PCNX2: variants seen among roughly 807,000 people sequenced by gnomAD.
PCNX2 encodes pecanex-like protein 2.
PCNX2 carries 168 observed loss-of-function variants against 223.8 expected under a neutral mutation model. That is an observed-to-expected ratio of 0.75 (90% CI 0.66 to 0.85). PCNX2 has a LOEUF of 0.85. Ranked by LOEUF, PCNX2 falls within the 40% of genes least tolerant of loss-of-function variation. The pLI is 0.00. For synonymous variants in PCNX2, 1,006 were observed against 1,052.6 expected (o/e 0.96, Z 0.86); for missense variants, 2,507 against 2,675.5 (o/e 0.94, Z 1.39).
In PCNX2 at chr1:233,022,025, A is replaced by AGG. The variant is rs568611392; in HGVS notation, c.4605+3119_4605+3120dup. On this transcript the variant is annotated intron_variant, in intron 26 of 33. Transcript: ENST00000258229. The stretch of plus-strand genomic sequence containing the variant: ...TAGGCCAGGGAGGATGGACCCAGAC[A>AGG]GGGCATCTCACTCTCATCCCTCCTC... Among the ~76,000 whole-genome samples the AGG allele has an allele frequency of 1.8e-3, 280 of 152,292 alleles. 1 individual carries two copies. Among genetic ancestry groups the AGG allele is most frequent in the Non-Finnish European group, 1.3e-3 (86 of 68,022 alleles).
chr1:233,104,689 C>T (rs1243083062), intron 21 of PCNX2, among the ~76,000 whole-genome samples: 2 of 151,988 alleles, frequency 1.3e-5, no homozygotes, highest in Non-Finnish European at 2.9e-5. Context: ...ATATTAGAAC[C>T]TTACACCAAC....
At chr1:233,044,674 T>A in intron 25 of PCNX2, among the ~76,000 whole-genome samples, 1 of 145,494 alleles carries the variant, frequency 6.9e-6, no homozygotes, top group South Asian at 2.2e-4. Flanking sequence ...GTATTCTTTC[T>A]TTTTTTTTTT....
intron 9 of PCNX2, among the ~76,000 whole-genome samples, chr1:233,229,357 T>A (rs1454600492): frequency 6.6e-6 from 1 of 152,202 alleles, no homozygotes; most frequent in Non-Finnish European, 1.5e-5. Context: ...GTGCTACTTG[T>A]GCCTGGAATT....
intron 9 of PCNX2, among the ~76,000 whole-genome samples, chr1:233,235,958 ATATAT>A (rs1445678748): frequency 8.3e-4 from 16 of 19,378 alleles, no homozygotes; most frequent in East Asian, 4.2e-3. Flanking sequence ...ATAAAAAAAA[ATATAT>A]ATATATATAT....
Position 233,162,029 on chromosome 1 carries a change from T to C in PCNX2, c.3274-666A>G, listed in dbSNP as rs557504712. ...GTATGTTTATATTTATATATATACA[T>C]AGATATATGCAAGAGGTACACACAT... On this transcript the variant is annotated intron_variant, in intron 17 of 33. Coordinates refer to ENST00000258229, the MANE Select transcript of PCNX2 (RefSeq NM_014801.4). 5.5e-4 allele frequency among the ~76,000 whole-genome samples: 82 copies of C among 150,244 alleles called. 1 individual carries two copies. In the South Asian group the frequency reaches 0.013, roughly 24 times the overall value.
intron 32 of PCNX2, among the ~76,000 whole-genome samples, chr1:232,988,814 T>C (rs1427136666): frequency 6.6e-6 from 1 of 152,180 alleles, no homozygotes; most frequent in Non-Finnish European, 1.5e-5. Flanking sequence ...AGCTGTGACA[T>C]ATGCTTTTTA....
At chr1:233,281,655 T>C (rs1661198418) in intron 1 of PCNX2, among the ~76,000 whole-genome samples, 1 of 152,224 alleles carries the variant, frequency 6.6e-6, no homozygotes, top group South Asian at 2.1e-4. Context: ...ATAAAGGTTA[T>C]CTTGAAAGCA....
At chr1:233,207,902 G>A (rs542653023) in intron 13 of PCNX2, among the ~76,000 whole-genome samples, 1 of 152,122 alleles carries the variant, frequency 6.6e-6, no homozygotes, top group East Asian at 1.9e-4. Flanking sequence ...CTGCTACCCT[G>A]ATGGCAAAAC....
chr1:233,171,117 G>C (rs1304027663), intron 17 of PCNX2, among the ~76,000 whole-genome samples: 1 of 151,102 alleles, frequency 6.6e-6, no homozygotes, highest in Admixed American at 6.6e-5. Flanking sequence ...TTCTCCTCTC[G>C]TCTAAACTTG....
At chr1:233,119,403 C>CAAAAAAAAAAAAAAAAAAA (rs71173251) in intron 21 of PCNX2, among the ~76,000 whole-genome samples, 1 of 38,628 alleles carries the variant, frequency 2.6e-5, no homozygotes, top group Non-Finnish European at 4.3e-5. Context: ...ACTAAAAATA[C>CAAAAAAAAAAAAAAAAAAA]AAAAAAAAAA....
the PCNX2 span, among the ~76,000 whole-genome samples, chr1:233,321,071 T>G: frequency 7.3e-6 from 1 of 136,914 alleles, no homozygotes. Context: ...CCAGGCTGGA[T>G]GCAGTGGTGC....
intron 23 of PCNX2, among the ~76,000 whole-genome samples, chr1:233,075,954 G>A (rs1306009736): frequency 6.6e-6 from 1 of 152,054 alleles, no homozygotes; most frequent in Non-Finnish European, 1.5e-5. Flanking sequence ...ATATTTAGGG[G>A]GTGAAAAGTG....
At chr1:233,276,814 C>T (rs1660938452) in intron 1 of PCNX2, among the ~76,000 whole-genome samples, 1 of 152,230 alleles carries the variant, frequency 6.6e-6, no homozygotes, top group Non-Finnish European at 1.5e-5. Flanking sequence ...AGTACTGTTC[C>T]ATATTCTGTG....
At chr1:233,300,399 TG>T, upstream of PCNX2, among the ~76,000 whole-genome samples, 1 of 152,334 alleles carries the variant, frequency 6.6e-6, no homozygotes, top group Middle Eastern at 3.4e-3. Flanking sequence ...TGAAATGATA[TG>T]GGAACTAGAA....
rs375805795 is a variant in PCNX2 at position 233,262,733 on chromosome 1, GAGA to G, written c.359+222_359+224del. Among the ~76,000 whole-genome samples the G allele has an allele frequency of 4.5e-3, 683 of 152,282 alleles. 4 individuals are homozygous for G. The highest frequency in any genetic ancestry group is 0.015 in the African/African-American group (643 of 41,546). ...AAGGCAAATGAATTCTAGATCTTAT[GAGA>G]AGGTCATATTGACTTCCCAAAAAGA... On this transcript the variant is annotated intron_variant, in intron 2 of 33. Coordinates refer to ENST00000258229, the MANE Select transcript of PCNX2 (RefSeq NM_014801.4).
chr1:233,132,375 C>T lies in PCNX2; in HGVS notation c.3837+2638G>A, dbSNP rs550147184. On this transcript the variant is annotated intron_variant, in intron 21 of 33. Transcript: ENST00000258229. ...CCATGCTTACTCCCTTTCTTTGTCC[C>T]TTGAAAGCCCCTTTGGTGAGATGCC... 1.5e-3 allele frequency among the ~76,000 whole-genome samples: 227 copies of T among 152,274 alleles called. 2 individuals carry two copies. The highest frequency in any genetic ancestry group is 5.4e-3 in the African/African-American group (223 of 41,556).
chr1:232,999,292 T>C lies in PCNX2; in HGVS notation c.5416A>G (p.Ile1806Val). 6.2e-7 allele frequency: 1 copy of C among 1,611,674 alleles called. No individual in the cohort carries two copies. The highest frequency in any genetic ancestry group is 1.1e-5 in the South Asian group (1 of 90,548). Residue 1806 changes from isoleucine to valine, a missense_variant, in exon 31 of 34, where the codon ATC becomes GTC. Physicochemically the swap from Ile to Val is conservative, Grantham distance 29. This residue lies in a region of PCNX2 where 1,372 missense variants were observed against 1,509.4 expected (regional missense o/e 0.91). Coordinates refer to ENST00000258229, the MANE Select transcript of PCNX2 (RefSeq NM_014801.4). The stretch of plus-strand genomic sequence containing the variant: ...CGCAGGACCTGCTTATTGTTCTGGA[T>C]ACTGCCGCGCTCCGGATTGCGGTTG... ...LRNRNPERGS[I>V]QNNKQVLRNL...
chr1:233,094,642 T>C (rs1278596821), intron 22 of PCNX2, among the ~76,000 whole-genome samples: 2 of 152,222 alleles, frequency 1.3e-5, no homozygotes, highest in African/African-American at 4.8e-5. Context: ...TTATCCTAAG[T>C]ATGTTTCCAT....
Position 233,139,793 on chromosome 1 carries a change from T to C in PCNX2, c.3580A>G (p.Ile1194Val), listed in dbSNP as rs1220660810. The C allele has an allele frequency of 1.2e-6, 2 of 1,613,348 alleles. No homozygotes were observed. The highest frequency in any genetic ancestry group is 1.3e-5 in the African/African-American group (1 of 74,930). Residue 1194 changes from isoleucine (I) to valine (V), a missense_variant, in exon 20 of 34, where the codon ATC becomes GTC. By Grantham distance (29) the Ile-to-Val change is conservative. Around this residue, in one of 3 missense-constraint regions of PCNX2, gnomAD observed 1,372 missense variants for 1,509.4 expected, o/e 0.91. Coordinates refer to ENST00000258229, the MANE Select transcript of PCNX2 (RefSeq NM_014801.4). This position sits in a 1 kb window ranked among gnomAD's most constrained non-coding sequence, Gnocchi z 4.4. ...TTCAAAATTAGCGCTGGGTACAAGA[T>C]GTATTTTTCAAAACACTGAAGCCAA... ...YVWLQCFEKY[I>V]LYPALILNAL...
Sources: allele counts gnomAD v4.1 joint callset (sites outside exome capture counted in the v4.1 genomes callset), GRCh38; gene constraint gnomAD v4.1.1; regional missense constraint gnomAD v4.1.1; non-coding constraint Gnocchi (gnomAD v3.1); transcripts MANE v1.5; gene names NCBI Gene and HGNC (gene_info 2026-07-23, HGNC 2026-07-21).